Variants in DGKI observed in about 807,000 individuals in gnomAD.
The protein encoded by DGKI is DAG kinase iota.
A neutral mutation model predicts 147.5 loss-of-function variants in DGKI; 55 were observed. The observed-to-expected ratio is 0.37, with a 90% confidence interval of 0.30 to 0.47. The LOEUF (loss-of-function observed/expected upper bound fraction) is 0.47, where lower values mean the gene tolerates loss of function less well. Among genes scored for constraint, DGKI ranks in the 20% least tolerant of loss-of-function variants. The pLI is 1.00. For missense variants in DGKI, 1,007 were observed against 1,323.8 expected, an observed-to-expected ratio of 0.76 and a Z score of 3.71; for synonymous variants, 469 against 477.1, an observed-to-expected ratio of 0.98 and a Z score of 0.22.
chr7:137,723,910 A>G lies in DGKI; in HGVS notation c.402-33908T>C, dbSNP rs559510946. ...GTTTTAGTAGAGACGGGGTTTCACCATGTTGGCCAGGATAGTCTCGATCTC... is the reference window on the plus strand; with the variant it reads ...GTTTTAGTAGAGACGGGGTTTCACCGTGTTGGCCAGGATAGTCTCGATCTC... On this transcript the variant is annotated intron_variant, in intron 1 of 32. Coordinates refer to ENST00000614521, the MANE Select transcript of DGKI (RefSeq NM_001321708.2). 7.2e-4 allele frequency among the ~76,000 whole-genome samples: 109 copies of G among 151,892 alleles called. No homozygotes were observed. In the Middle Eastern group the frequency reaches 0.01, roughly 14 times the overall value.
intron 1 of DGKI, among the ~76,000 whole-genome samples, chr7:137,790,231 AACACACACACAC>A (rs137932599): frequency 2.8e-5 from 4 of 143,712 alleles, no homozygotes; most frequent in Admixed American, 7.0e-5. Context: ...GTGTATTACC[AACACACACACAC>A]ACACACACAC....
At chr7:137,557,644 A>G (rs867626256) in intron 19 of DGKI, among the ~76,000 whole-genome samples, 30 of 152,192 alleles carry the variant, frequency 2.0e-4, no homozygotes, top group African/African-American at 6.8e-4. Context: ...CTTTTTCTCA[A>G]TCAGTGTCTG....
chr7:137,756,447 T>C (rs888612564), intron 1 of DGKI, among the ~76,000 whole-genome samples: 2 of 152,132 alleles, frequency 1.3e-5, no homozygotes, highest in Admixed American at 1.3e-4. Flanking sequence ...TTGTAAGACA[T>C]GAGGGAATGA....
chr7:137,511,460 A>T (rs1816578316), intron 21 of DGKI, among the ~76,000 whole-genome samples: 1 of 152,226 alleles, frequency 6.6e-6, no homozygotes, highest in Non-Finnish European at 1.5e-5. Flanking sequence ...TAATTCAGAC[A>T]CTTCTGAATA....
chr7:137,443,847 G>T (rs1172620340), intron 28 of DGKI, among the ~76,000 whole-genome samples: 2 of 152,172 alleles, frequency 1.3e-5, no homozygotes, highest in Non-Finnish European at 2.9e-5. Context: ...AATAAATTAA[G>T]GCTTCACAAT....
chr7:137,623,675 G>A, intron 6 of DGKI, 121 bp from the exon 7 acceptor site: 1 of 777,648 alleles, frequency 1.3e-6, no homozygotes, highest in Non-Finnish European at 2.2e-6. Context: ...CCCACCACTG[G>A]AGGTAAGTAG....
At chr7:137,455,370 G>A (rs1028556213) in intron 27 of DGKI, among the ~76,000 whole-genome samples, 6 of 152,084 alleles carry the variant, frequency 3.9e-5, no homozygotes, top group Non-Finnish European at 7.4e-5. Flanking sequence ...TAGTAATATT[G>A]AAAACAAGAA....
At chr7:137,828,958 A>T (rs1798143251) in intron 1 of DGKI, among the ~76,000 whole-genome samples, 1 of 152,246 alleles carries the variant, frequency 6.6e-6, no homozygotes, top group Admixed American at 6.5e-5. Flanking sequence ...TTCTAAGTTC[A>T]TATCCTTCAT....
chr7:137,820,294 C>T (rs1309627311), intron 1 of DGKI, among the ~76,000 whole-genome samples: 1 of 152,156 alleles, frequency 6.6e-6, no homozygotes, highest in Non-Finnish European at 1.5e-5. Flanking sequence ...TCAGACAGAC[C>T]AGGAGACAAA....
Position 137,788,680 on chromosome 7 carries a change from A to C in DGKI, c.401+57782T>G, listed in dbSNP as rs867445429. The stretch of plus-strand genomic sequence containing the variant: ...CACACACACATACACACACACACAC[A>C]CCTCCATCCCCCTGCCATACACACA... On this transcript the variant is annotated intron_variant, in intron 1 of 32. Transcript: ENST00000614521. Among the ~76,000 whole-genome samples, 570 of 129,706 alleles carry C rather than the reference A, an allele frequency of 4.4e-3. 3 individuals carry two copies. The highest frequency in any genetic ancestry group is 0.016 in the African/African-American group (538 of 33,910). 85.1% of individuals were successfully genotyped at this position (129,706 alleles called of 152,430 possible).
At chr7:137,527,188 T>C (rs1018637644) in intron 20 of DGKI, among the ~76,000 whole-genome samples, 1 of 142,842 alleles carries the variant, frequency 7.0e-6, no homozygotes, top group Admixed American at 7.9e-5. Context: ...AAATGAGACA[T>C]ATATAAGGCA....
At chr7:137,822,695 T>C (rs1797940199) in intron 1 of DGKI, among the ~76,000 whole-genome samples, 2 of 151,830 alleles carry the variant, frequency 1.3e-5, no homozygotes, top group Non-Finnish European at 2.9e-5. Flanking sequence ...AGAAGAAAAT[T>C]TTTGAAGAAA....
intron 20 of DGKI, among the ~76,000 whole-genome samples, chr7:137,526,097 G>A: frequency 6.6e-6 from 1 of 152,098 alleles, no homozygotes; most frequent in Non-Finnish European, 1.5e-5. Context: ...CCCATTAATG[G>A]CTGACTGAAG....
intron 30 of DGKI, among the ~76,000 whole-genome samples, chr7:137,406,740 T>C (rs1293257261): frequency 2.6e-5 from 4 of 152,194 alleles, no homozygotes. Flanking sequence ...AACAGCTCCA[T>C]ATATCGGTTT....
At chr7:137,832,699 T>C (rs944086947) in intron 1 of DGKI, among the ~76,000 whole-genome samples, 4 of 152,198 alleles carry the variant, frequency 2.6e-5, no homozygotes, top group Non-Finnish European at 4.4e-5. Context: ...CATTCAGCTG[T>C]TCATTACTTA....
chr7:137,673,717 C>G (rs1172706342), intron 3 of DGKI, among the ~76,000 whole-genome samples: 1 of 152,178 alleles, frequency 6.6e-6, no homozygotes, highest in East Asian at 1.9e-4. Flanking sequence ...GTCTGTGTGA[C>G]CACGGTGGGT....
intron 1 of DGKI, among the ~76,000 whole-genome samples, chr7:137,767,596 A>AGAAGT (rs1796061143): frequency 2.1e-5 from 3 of 144,730 alleles, no homozygotes; most frequent in Admixed American, 2.0e-4. Flanking sequence ...AGAAGAGAAG[A>AGAAGT]GAAGGAGAAG....
intron 5 of DGKI, among the ~76,000 whole-genome samples, chr7:137,646,111 G>C (rs931394095): frequency 6.6e-6 from 1 of 152,166 alleles, no homozygotes; most frequent in Non-Finnish European, 1.5e-5. Flanking sequence ...AAGGTGAAGG[G>C]GAGAAGCTGA....
chr7:137,395,911 C>T (rs1274193816), intron 31 of DGKI: 11 of 523,846 alleles, frequency 2.1e-5, no homozygotes, highest in Middle Eastern at 1.0e-3. Flanking sequence ...CTCTAGCCCC[C>T]TTTCCAAATA....
Sources: gnomAD v4.1 joint callset for allele counts (sites outside exome capture counted in the v4.1 genomes callset) on GRCh38, gnomAD v4.1.1 for gene constraint, MANE v1.5 for transcripts, NCBI Gene and HGNC (gene_info 2026-07-23, HGNC 2026-07-21) for gene names.